KIAA1217: variants seen among roughly 807,000 people sequenced by gnomAD.
KIAA1217 encodes the protein KIAA1217.
KIAA1217 carries 88 observed loss-of-function variants against 163.9 expected under a neutral mutation model. The observed-to-expected ratio is 0.54, with a 90% CI of 0.45 to 0.64. The LOEUF (loss-of-function observed/expected upper bound fraction) is 0.64, where lower values mean the gene tolerates loss of function less well. KIAA1217 is among the 30% of genes least tolerant of loss of function. The pLI is 0.00. For synonymous variants in KIAA1217, 903 were observed against 923.1 expected (o/e 0.98, Z 0.39); for missense variants, 2,372 against 2,475.0 (o/e 0.96, Z 0.88).
At chr10:24,294,263 A>G (rs16924482) in intron 2 of KIAA1217, among the ~76,000 whole-genome samples, 1 of 150,620 alleles carries the variant, frequency 6.6e-6, no homozygotes, top group Non-Finnish European at 1.5e-5. Flanking sequence ...GGGGCTCTAC[A>G]TTTGCCTGCT....
rs536937973 is a variant in KIAA1217 at position 24,177,211 on chromosome 10, C to T, written c.-170-42415C>T. ...AGAGTGGACGCCAAGCCTGAGGAGG[C>T]ACCGAAAGCGAGCGAGGGCTGCTAG... On this transcript the variant is annotated intron_variant, in intron 2 of 18. Transcript: ENST00000376462. 1.2e-3 allele frequency among the ~76,000 whole-genome samples: 171 copies of T among 140,904 alleles called. 1 individual carries two copies. The highest frequency in any genetic ancestry group is 4.4e-3 in the African/African-American group (163 of 37,182). The allele number at this position is 140,904 out of a possible 152,430, so 92.4% of individuals were successfully genotyped here.
At chr10:24,108,070 G>A (rs1300419325) in intron 2 of KIAA1217, among the ~76,000 whole-genome samples, 3 of 152,140 alleles carry the variant, frequency 2.0e-5, no homozygotes, top group South Asian at 4.1e-4. Flanking sequence ...AAGGAAGAGG[G>A]AAGAAGTAGC....
chr10:24,018,168 C>G (rs1424931833), intron 2 of KIAA1217, among the ~76,000 whole-genome samples: 1 of 151,866 alleles, frequency 6.6e-6, no homozygotes, highest in East Asian at 1.9e-4. Flanking sequence ...TATGTGCTCC[C>G]AAACAAAAAG....
intron 5 of KIAA1217, among the ~76,000 whole-genome samples, chr10:24,447,784 T>C (rs559842316): frequency 5.3e-5 from 8 of 152,258 alleles, no homozygotes; most frequent in Admixed American, 3.9e-4. Flanking sequence ...CTGACCCAAA[T>C]GAGAAATAAG....
chr10:24,433,582 C>T (rs1264398380), intron 4 of KIAA1217, among the ~76,000 whole-genome samples: 1 of 152,108 alleles, frequency 6.6e-6, no homozygotes, highest in Non-Finnish European at 1.5e-5. Flanking sequence ...ATTCAGTCCA[C>T]CATTTTATCT....
intron 1 of KIAA1217, among the ~76,000 whole-genome samples, chr10:23,824,204 G>A (rs1267788200): frequency 6.6e-6 from 1 of 152,030 alleles, no homozygotes; most frequent in Non-Finnish European, 1.5e-5. Context: ...TCTGGGGGTG[G>A]TAGAGGTTGT....
Position 24,533,797 on chromosome 10 carries a change from G to A in KIAA1217, c.3414+560G>A, listed in dbSNP as rs1036029257. ...CTTGGTCTATTTGAGAAATGATACTGTATCAGTTTTAGATATTTATTTTTT... is the reference window on the plus strand; with the variant it reads ...CTTGGTCTATTTGAGAAATGATACTATATCAGTTTTAGATATTTATTTTTT... On this transcript the variant is annotated intron_variant, in intron 16 of 20. Coordinates refer to ENST00000376454, the MANE Select transcript of KIAA1217 (RefSeq NM_019590.5). 3.3e-5 allele frequency among the ~76,000 whole-genome samples: 5 copies of A among 152,142 alleles called. No individual in the cohort carries two copies. The South Asian group carries it at 6.2e-4, about 19-fold the overall frequency.
chr10:24,396,294 G>A (rs1176081966), intron 3 of KIAA1217, among the ~76,000 whole-genome samples: 2 of 151,892 alleles, frequency 1.3e-5, no homozygotes, highest in Non-Finnish European at 2.9e-5. Context: ...CAGAGATTGC[G>A]CCATTGCACT....
At chr10:24,401,745 A>G (rs1475545392) in intron 3 of KIAA1217, among the ~76,000 whole-genome samples, 1 of 152,226 alleles carries the variant, frequency 6.6e-6, no homozygotes, top group East Asian at 1.9e-4. Flanking sequence ...AAAAAGAAAT[A>G]AAAGGCATGT....
chr10:24,315,935 G>GC (rs1479325980), intron 2 of KIAA1217, among the ~76,000 whole-genome samples: 1 of 148,240 alleles, frequency 6.7e-6, no homozygotes, highest in East Asian at 2.2e-4. Context: ...CTAATGGGGG[G>GC]GGGGAATCCA....
intron 2 of KIAA1217, among the ~76,000 whole-genome samples, chr10:24,134,579 A>C (rs1394931709): frequency 6.6e-6 from 1 of 151,968 alleles, no homozygotes; most frequent in Non-Finnish European, 1.5e-5. Flanking sequence ...GGTATTAATT[A>C]ATTTATTTTT....
At chr10:24,280,222 T>C (rs187574033) in intron 2 of KIAA1217, among the ~76,000 whole-genome samples, 8 of 152,328 alleles carry the variant, frequency 5.3e-5, no homozygotes, top group Non-Finnish European at 1.0e-4. Flanking sequence ...TTCATGCTAA[T>C]GAATTCTAAA....
Position 23,796,866 on chromosome 10 carries a change from A to G in KIAA1217, c.-321+101632A>G, listed in dbSNP as rs1588839730. Among the ~76,000 whole-genome samples the G allele has an allele frequency of 2.0e-5, 3 of 151,888 alleles. No individual in the cohort carries two copies. In the East Asian group the frequency reaches 5.9e-4, roughly 30 times the overall value. ...TGTATGTATACATACATACATAAAT[A>G]TTTGGAGACAAGGTCTCACTTTGCC... On this transcript the variant is annotated intron_variant, in intron 1 of 18. Coordinates refer to the KIAA1217 transcript ENST00000376462.
At chr10:23,803,605 T>A (rs1023012544) in intron 1 of KIAA1217, among the ~76,000 whole-genome samples, 4 of 152,208 alleles carry the variant, frequency 2.6e-5, no homozygotes, top group African/African-American at 9.6e-5. Flanking sequence ...CCAGTGAACA[T>A]CGTGCAGATG....
intron 1 of KIAA1217, among the ~76,000 whole-genome samples, chr10:23,991,601 G>A (rs1359691310): frequency 6.6e-6 from 1 of 152,044 alleles, no homozygotes; most frequent in Non-Finnish European, 1.5e-5. Context: ...CTAGATATAT[G>A]TTCATATGTT....
intron 1 of KIAA1217, among the ~76,000 whole-genome samples, chr10:23,901,421 A>C (rs562745927): frequency 6.6e-6 from 1 of 152,260 alleles, no homozygotes; most frequent in Non-Finnish European, 1.5e-5. Flanking sequence ...CTCAGAAAAT[A>C]AAATATACTG....
intron 1 of KIAA1217, among the ~76,000 whole-genome samples, chr10:23,723,491 A>C (rs1457965276): frequency 6.6e-6 from 1 of 152,208 alleles, no homozygotes; most frequent in African/African-American, 2.4e-5. Context: ...TTCTAAGAAA[A>C]AAACAAGTAA....
chr10:24,058,942 C>A (rs1485747196), intron 2 of KIAA1217, among the ~76,000 whole-genome samples: 4 of 152,012 alleles, frequency 2.6e-5, no homozygotes, highest in African/African-American at 9.7e-5. Flanking sequence ...TAAGAGTGAT[C>A]ATTCTTGTCT....
chr10:24,027,251 A>C (rs1025936005), intron 2 of KIAA1217, among the ~76,000 whole-genome samples: 3 of 152,056 alleles, frequency 2.0e-5, no homozygotes, highest in South Asian at 2.1e-4. Context: ...CCCTCCCTGC[A>C]CTATGACCTG....
Sources: allele counts gnomAD v4.1 joint callset (sites outside exome capture counted in the v4.1 genomes callset), GRCh38; gene constraint gnomAD v4.1.1; transcripts MANE v1.5; gene names NCBI Gene and HGNC (gene_info 2026-07-23, HGNC 2026-07-21).